The following CIMAP2 variants were observed in gnomAD, a reference collection of about 807,000 sequenced individuals.
CIMAP2 encodes the protein ciliary microtubule-associated protein 2.
chr1:54,807,705 G>T, the CIMAP2 span: 2 of 1,568,368 alleles, frequency 1.3e-6, no homozygotes, highest in Non-Finnish European at 1.7e-6. Context: ...GGCCTCTGGG[G>T]CCATGCCTCT....
At chr1:54,806,881 G>A in the CIMAP2 span, 113 of 954,992 alleles carry the variant, frequency 1.2e-4, no homozygotes, top group Non-Finnish European at 1.8e-4. Flanking sequence ...TTTCTTTCAT[G>A]AGCTTGCTCC....
the CIMAP2 span, among the ~76,000 whole-genome samples, chr1:54,829,705 A>G: frequency 2.0e-5 from 3 of 152,024 alleles, no homozygotes; most frequent in African/African-American, 7.2e-5. Flanking sequence ...AAGTTTTAAG[A>G]GTTATTTTTT....
At chr1:54,827,599 GAGA>G in the CIMAP2 span, among the ~76,000 whole-genome samples, 1 of 152,180 alleles carries the variant, frequency 6.6e-6, no homozygotes, top group African/African-American at 2.4e-5. Flanking sequence ...AAGTTGCTCA[GAGA>G]AGACTTCCCT....
At chr1:54,840,314 G>C in the CIMAP2 span, among the ~76,000 whole-genome samples, 1 of 152,220 alleles carries the variant, frequency 6.6e-6, no homozygotes, top group Non-Finnish European at 1.5e-5. Flanking sequence ...GTGTATCACA[G>C]TTTGTTCCTT....
chr1:54,817,101 T>C, the CIMAP2 span: 1 of 1,614,094 alleles, frequency 6.2e-7, no homozygotes, highest in Non-Finnish European at 8.5e-7. Flanking sequence ...CTCTCAGACC[T>C]GGCCCGGGAC....
the CIMAP2 span, among the ~76,000 whole-genome samples, chr1:54,835,513 T>A: frequency 6.6e-6 from 1 of 152,298 alleles, no homozygotes; most frequent in East Asian, 1.9e-4. Flanking sequence ...TGTATGTACT[T>A]ATTGTATGCA....
the CIMAP2 span, among the ~76,000 whole-genome samples, chr1:54,810,469 C>T: frequency 5.9e-5 from 9 of 152,132 alleles, no homozygotes; most frequent in Non-Finnish European, 1.0e-4. Context: ...CCAGAATGTA[C>T]GTGGGAACCC....
chr1:54,809,084 G>T, the CIMAP2 span, among the ~76,000 whole-genome samples: 1 of 61,890 alleles, frequency 1.6e-5, no homozygotes, highest in Non-Finnish European at 3.8e-5. Context: ...ACATAGGCAC[G>T]CAATAAGTAT....
chr1:54,827,551 G>A, the CIMAP2 span, among the ~76,000 whole-genome samples: 1 of 152,168 alleles, frequency 6.6e-6, no homozygotes, highest in South Asian at 2.1e-4. Flanking sequence ...CCCCGGCTTA[G>A]AATTCCATGT....
the CIMAP2 span, among the ~76,000 whole-genome samples, chr1:54,828,146 A>G: frequency 6.6e-6 from 1 of 152,250 alleles, no homozygotes; most frequent in Non-Finnish European, 1.5e-5. Flanking sequence ...GGTAAGGAAG[A>G]GCAACATTAT....
chr1:54,841,267 G>A, the CIMAP2 span, among the ~76,000 whole-genome samples: 97 of 152,354 alleles, frequency 6.4e-4, no homozygotes, highest in African/African-American at 2.2e-3. Flanking sequence ...GTAACGTAAG[G>A]GCTGGCAGAT....
chr1:54,811,789 C>CCCCCCCCCAA, the CIMAP2 span: 1 of 1,588,828 alleles, frequency 6.3e-7, no homozygotes, highest in Admixed American at 1.7e-5. Flanking sequence ...ACCCCCGCCC[C>CCCCCCCCCAA]ACAGAACTAC....
chr1:54,807,084 G>A, the CIMAP2 span: 1 of 1,612,574 alleles, frequency 6.2e-7, no homozygotes, highest in Non-Finnish European at 8.5e-7. Context: ...TACCCAAGTG[G>A]TGAGTTTGCA....
the CIMAP2 span, chr1:54,811,771 A>G: frequency 9.5e-5 from 42 of 440,794 alleles, no homozygotes; most frequent in African/African-American, 1.0e-3. Flanking sequence ...GACAGCCTCC[A>G]TGCCCCCACC....
the CIMAP2 span, among the ~76,000 whole-genome samples, chr1:54,815,955 C>T: frequency 6.6e-6 from 1 of 152,036 alleles, no homozygotes; most frequent in Non-Finnish European, 1.5e-5. Context: ...GTGCCCAGAC[C>T]CCAGTGACTG....
At chr1:54,811,899 A>T in the CIMAP2 span, 1 of 1,613,712 alleles carries the variant, frequency 6.2e-7, no homozygotes, top group African/African-American at 1.3e-5. Flanking sequence ...CATGTGCAGG[A>T]TGAGCAACAA....
chr1:54,813,706 G>T, the CIMAP2 span: 1 of 1,281,376 alleles, frequency 7.8e-7, no homozygotes, highest in Non-Finnish European at 1.1e-6. Context: ...CTGCACAGCA[G>T]GATAGTAAGT....
chr1:54,811,773 G>GCGCC, the CIMAP2 span: 4 of 1,325,050 alleles, frequency 3.0e-6, no homozygotes, highest in Admixed American at 2.4e-5. Context: ...CAGCCTCCAT[G>GCGCC]CCCCCACCCC....
At chr1:54,815,132 T>A in the CIMAP2 span, 1 of 1,537,798 alleles carries the variant, frequency 6.5e-7, no homozygotes, top group Admixed American at 1.8e-5. Flanking sequence ...ACCGATGCTT[T>A]GAGTGAGCCA....
Sources: gnomAD v4.1 joint callset for allele counts (sites outside exome capture counted in the v4.1 genomes callset) on GRCh38, gnomAD v4.1.1 for gene constraint, MANE v1.5 for transcripts, NCBI Gene and HGNC (gene_info 2026-07-23, HGNC 2026-07-21) for gene names.